The following STK3 variants were observed in gnomAD, a reference collection of about 807,000 sequenced individuals.
STK3 encodes the protein serine/threonine kinase 3, also known as serine/threonine-protein kinase 3.
STK3 carries 41 observed loss-of-function variants against 58.0 expected under a neutral mutation model. The observed-to-expected ratio is 0.71, with a 90% CI of 0.55 to 0.92. STK3 has a LOEUF of 0.92. Ranked by LOEUF, STK3 falls within the 40% of genes least tolerant of loss-of-function variation. The probability of loss-of-function intolerance (pLI) is 0.00; values close to 1 mark genes in which losing one functional copy is unlikely to be tolerated. For missense variants in STK3, 479 were observed against 602.7 expected (o/e 0.79, Z 2.15); for synonymous variants, 170 against 191.0 (o/e 0.89, Z 0.91).
At chr8:98,409,102 T>A (rs910308281) in intron 3 of STK3, among the ~76,000 whole-genome samples, 1 of 152,202 alleles carries the variant, frequency 6.6e-6, no homozygotes, top group African/African-American at 2.4e-5. Flanking sequence ...CTCAGCCCCA[T>A]GCCCCAGTCC....
chr8:98,941,466 C>T (rs1274614644), intron 1 of STK3, among the ~76,000 whole-genome samples: 4 of 152,238 alleles, frequency 2.6e-5, no homozygotes, highest in Non-Finnish European at 5.9e-5. Context: ...AGAAGGGAGG[C>T]GAGTCCCCGG....
chr8:98,696,644 C>T (rs181917564), intron 6 of STK3, among the ~76,000 whole-genome samples: 6 of 151,994 alleles, frequency 3.9e-5, no homozygotes. Context: ...GTTCTGTTTA[C>T]ATGCTGGATT....
chr8:98,617,644 C>T (rs1817873857), intron 6 of STK3, among the ~76,000 whole-genome samples: 2 of 151,808 alleles, frequency 1.3e-5, no homozygotes, highest in South Asian at 4.2e-4. Flanking sequence ...ACCACCGATC[C>T]CACAGAAATA....
intron 4 of STK3, among the ~76,000 whole-genome samples, chr8:98,741,015 T>A (rs2131309696): frequency 6.6e-6 from 1 of 152,232 alleles, no homozygotes; most frequent in Admixed American, 6.5e-5. Flanking sequence ...TACATAATGG[T>A]AGAGGGATCA....
In STK3 at chr8:98,720,741, A is replaced by T. The variant is rs576224263; in HGVS notation, c.352-13430T>A. Among the ~76,000 whole-genome samples the T allele has an allele frequency of 2.3e-5, 3 of 132,434 alleles. No homozygotes were observed. In the South Asian group the frequency reaches 7.0e-4, roughly 31 times the overall value. The allele number at this position is 132,434 out of a possible 152,430, so 86.9% of individuals were successfully genotyped here. A position where few individuals can be genotyped will look rare whatever the true frequency, so the allele number is the denominator to read the frequency against. On this transcript the variant is annotated intron_variant, in intron 4 of 10. Coordinates refer to ENST00000419617, the MANE Select transcript of STK3 (RefSeq NM_006281.4). Reference sequence around the variant, plus strand: ...ACTCCAGCCTGGGTGACAGAGCGAGACTCCGTCTCAAAAAAAAAAAAAAAA... The same window carrying T: ...ACTCCAGCCTGGGTGACAGAGCGAGTCTCCGTCTCAAAAAAAAAAAAAAAA...
intron 3 of STK3, chr8:98,430,361 T>A (rs912730083): frequency 6.0e-6 from 1 of 167,088 alleles, no homozygotes; most frequent in African/African-American, 2.4e-5. Flanking sequence ...ATTTATTTTT[T>A]AAGATGTTTA....
intron 6 of STK3, among the ~76,000 whole-genome samples, chr8:98,639,290 T>A (rs1238910469): frequency 6.6e-6 from 1 of 152,068 alleles, no homozygotes; most frequent in Admixed American, 6.6e-5. Context: ...TTTTTGTATG[T>A]TTTGTAGAGA....
chr8:98,617,013 T>C (rs2130317164), intron 6 of STK3, among the ~76,000 whole-genome samples: 1 of 152,184 alleles, frequency 6.6e-6, no homozygotes, highest in East Asian at 1.9e-4. Flanking sequence ...ATATACGTTT[T>C]TTTCAGCACC....
intron 6 of STK3, among the ~76,000 whole-genome samples, chr8:98,599,560 C>A (rs141081380): frequency 6.6e-6 from 1 of 152,052 alleles, no homozygotes; most frequent in African/African-American, 2.4e-5. Context: ...ACTCTAACTG[C>A]CTAGCAATTG....
intron 6 of STK3, among the ~76,000 whole-genome samples, chr8:98,646,104 G>C (rs1820378144): frequency 6.6e-6 from 1 of 152,232 alleles, no homozygotes; most frequent in African/African-American, 2.4e-5. Context: ...TAAAAAGTCA[G>C]CCAGCCAGCT....
chr8:98,550,548 T>A (rs1002371823), intron 8 of STK3, among the ~76,000 whole-genome samples: 2 of 152,166 alleles, frequency 1.3e-5, no homozygotes, highest in African/African-American at 4.8e-5. Context: ...ATTTATTTTC[T>A]CTTTCATTCC....
chr8:98,489,349 T>C (rs1822520650), intron 10 of STK3, among the ~76,000 whole-genome samples: 1 of 152,196 alleles, frequency 6.6e-6, no homozygotes, highest in Non-Finnish European at 1.5e-5. Context: ...AGGAGTTAAT[T>C]TTATCATTAA....
chr8:98,860,330 C>T (rs779795806), intron 3 of STK3, among the ~76,000 whole-genome samples: 1 of 152,130 alleles, frequency 6.6e-6, no homozygotes, highest in East Asian at 1.9e-4. Context: ...AGAGAGGTGA[C>T]GTCTGATACC....
At chr8:98,558,404 A>AC (rs1226885446) in intron 8 of STK3, among the ~76,000 whole-genome samples, 2 of 152,110 alleles carry the variant, frequency 1.3e-5, no homozygotes, top group Admixed American at 6.6e-5. Context: ...TCATGTTGAT[A>AC]CCTTTATATA....
intron 1 of STK3, among the ~76,000 whole-genome samples, chr8:98,820,910 G>A (rs558227579): frequency 1.8e-4 from 27 of 152,244 alleles, no homozygotes; most frequent in African/African-American, 6.3e-4. Flanking sequence ...CCTGGGAGGC[G>A]GAGCTCGCAG....
chr8:98,448,683 G>A (rs1175672558), intron 1 of STK3, among the ~76,000 whole-genome samples: 1 of 152,114 alleles, frequency 6.6e-6, no homozygotes, highest in Non-Finnish European at 1.5e-5. Flanking sequence ...AACATAGGCA[G>A]GCACTGGATT....
intron 10 of STK3, among the ~76,000 whole-genome samples, chr8:98,508,929 T>A (rs1824289608): frequency 6.6e-6 from 1 of 152,158 alleles, no homozygotes; most frequent in Admixed American, 6.5e-5. Context: ...GAACTAATGA[T>A]GTATTCTTAC....
intron 6 of STK3, among the ~76,000 whole-genome samples, chr8:98,649,527 G>C (rs573899653): frequency 1.3e-5 from 2 of 152,226 alleles, no homozygotes; most frequent in East Asian, 3.9e-4. Flanking sequence ...TTTTCTTTCA[G>C]ATGAACAGAT....
At chr8:98,516,372 T>C (rs1004404044) in intron 10 of STK3, among the ~76,000 whole-genome samples, 1 of 152,040 alleles carries the variant, frequency 6.6e-6, no homozygotes, top group Non-Finnish European at 1.5e-5. Context: ...TTTCCACATA[T>C]CGAAAGAGCT....
Sources: allele counts gnomAD v4.1 joint callset (sites outside exome capture counted in the v4.1 genomes callset), GRCh38; gene constraint gnomAD v4.1.1; transcripts MANE v1.5; gene names NCBI Gene and HGNC (gene_info 2026-07-23, HGNC 2026-07-21).